Variants in HCN1 observed in about 807,000 individuals in gnomAD.
HCN1 encodes the protein potassium/sodium hyperpolarization-activated cyclic nucleotide-gated channel 1.
A neutral mutation model predicts 78.9 loss-of-function variants in HCN1; 13 were observed. The ratio of observed to expected loss-of-function variants is 0.16; its 90% CI spans 0.11 to 0.26. The LOEUF (loss-of-function observed/expected upper bound fraction) is 0.26, where lower values mean the gene tolerates loss of function less well. HCN1 is among the 10% of genes least tolerant of loss of function. HCN1 has a pLI of 1.00. For synonymous variants in HCN1, 552 were observed against 455.5 expected, an observed-to-expected ratio of 1.21 and a Z score of -2.70; for missense variants, 810 against 1,154.3, an observed-to-expected ratio of 0.70 and a Z score of 4.32.
chr5:45,455,446 C>T (rs1278770517), intron 3 of HCN1, among the ~76,000 whole-genome samples: 1 of 151,910 alleles, frequency 6.6e-6, no homozygotes, highest in African/African-American at 2.4e-5. Flanking sequence ...GAATGTAAGC[C>T]TAATGAGGGC....
At chr5:45,351,371 C>G (rs1340792939) in intron 5 of HCN1, among the ~76,000 whole-genome samples, 1 of 84,426 alleles carries the variant, frequency 1.2e-5, no homozygotes, top group Non-Finnish European at 2.0e-5. Flanking sequence ...ATACAAAAAT[C>G]AATTCAAGAT....
intron 4 of HCN1, among the ~76,000 whole-genome samples, chr5:45,373,580 C>G (rs986339722): frequency 1.5e-5 from 2 of 134,972 alleles, no homozygotes; most frequent in East Asian, 2.2e-4. Context: ...TATACGTCAT[C>G]TATAATATAT....
At chr5:45,435,231 G>A (rs968477228) in intron 3 of HCN1, among the ~76,000 whole-genome samples, 2 of 151,926 alleles carry the variant, frequency 1.3e-5, no homozygotes, top group African/African-American at 2.4e-5. Flanking sequence ...AAATCAAATA[G>A]TTCCCCAATG....
At chr5:45,570,804 GA>G (rs1311111383) in intron 2 of HCN1, among the ~76,000 whole-genome samples, 3 of 152,024 alleles carry the variant, frequency 2.0e-5, no homozygotes, top group Non-Finnish European at 4.4e-5. Flanking sequence ...CCTCATTCTA[GA>G]ATTAGATGTT....
chr5:45,433,591 T>C (rs975106051), intron 3 of HCN1, among the ~76,000 whole-genome samples: 1 of 152,168 alleles, frequency 6.6e-6, no homozygotes, highest in Non-Finnish European at 1.5e-5. Context: ...TTAGTATTGA[T>C]ATATGCAGAT....
At chr5:45,628,112 T>C (rs1236911718) in intron 2 of HCN1, among the ~76,000 whole-genome samples, 1 of 152,206 alleles carries the variant, frequency 6.6e-6, no homozygotes, top group Non-Finnish European at 1.5e-5. Flanking sequence ...CACTGGAACA[T>C]TGGTGGCATA....
chr5:45,393,081 C>A (rs1301302471), intron 4 of HCN1, among the ~76,000 whole-genome samples: 5 of 152,048 alleles, frequency 3.3e-5, no homozygotes, highest in Non-Finnish European at 7.4e-5. Flanking sequence ...GCTATTCAGT[C>A]CATAAAGGGA....
rs2111828185 is a variant in HCN1 at position 45,255,624 on chromosome 5, CA to C, written c.*6296del. Reference sequence around the variant, plus strand: ...GGTAATAGATGTTAGAAGAGTTAGGCAAACAAGATTTAATTTTGAATGCTTG... The same window carrying C: ...GGTAATAGATGTTAGAAGAGTTAGGCAACAAGATTTAATTTTGAATGCTTG... On this transcript the variant is annotated 3_prime_UTR_variant, in exon 8 of 8. Coordinates refer to ENST00000303230, the MANE Select transcript of HCN1 (RefSeq NM_021072.4). 6.6e-6 allele frequency: 1 copy of C among 152,256 alleles called. No homozygotes were observed. The highest frequency in any genetic ancestry group is 6.5e-5 in the Admixed American group (1 of 15,286). 9.4% of individuals were successfully genotyped at this position (152,256 alleles called of 1,614,324 possible).
intron 2 of HCN1, among the ~76,000 whole-genome samples, chr5:45,536,859 G>T (rs1184144299): frequency 6.6e-6 from 1 of 152,176 alleles, no homozygotes; most frequent in Non-Finnish European, 1.5e-5. Flanking sequence ...TCCAAGCTCA[G>T]CATCCCATAA....
At chr5:45,376,347 T>G (rs550138135) in intron 4 of HCN1, among the ~76,000 whole-genome samples, 1,584 of 97,200 alleles carry the variant, frequency 0.016, 33 homozygotes, top group African/African-American at 0.052. Context: ...ATTATATATA[T>G]ATAGAGAGAG....
At chr5:45,348,585 A>T (rs891524544) in intron 5 of HCN1, among the ~76,000 whole-genome samples, 7 of 152,236 alleles carry the variant, frequency 4.6e-5, no homozygotes, top group Non-Finnish European at 1.0e-4. Flanking sequence ...TTGGATAAAG[A>T]GTCAAGACCC....
intron 6 of HCN1, among the ~76,000 whole-genome samples, chr5:45,292,916 A>T (rs1745409447): frequency 6.6e-6 from 1 of 152,044 alleles, no homozygotes; most frequent in Non-Finnish European, 1.5e-5. Context: ...CATAGTGTTT[A>T]AACTCAGACA....
At chr5:45,409,785 T>A (rs1739991352) in intron 3 of HCN1, among the ~76,000 whole-genome samples, 1 of 151,884 alleles carries the variant, frequency 6.6e-6, no homozygotes, top group African/African-American at 2.4e-5. Flanking sequence ...TAACAATTTA[T>A]CCTTTTTATA....
chr5:45,581,136 T>G (rs1744062992), intron 2 of HCN1, among the ~76,000 whole-genome samples: 1 of 152,236 alleles, frequency 6.6e-6, no homozygotes, highest in Non-Finnish European at 1.5e-5. Flanking sequence ...ATGGTTGAAC[T>G]AGTTTACAGT....
At chr5:45,301,311 G>T (rs1314106441) in intron 6 of HCN1, among the ~76,000 whole-genome samples, 1 of 133,016 alleles carries the variant, frequency 7.5e-6, no homozygotes, top group Non-Finnish European at 1.6e-5. Context: ...CTTTGGTTGG[G>T]TTAATACTAA....
rs1195129648 is a variant in HCN1, at chr5:45,527,362, A to T, written c.850-65355T>A. On this transcript the variant is annotated intron_variant, in intron 2 of 7. Transcript: ENST00000303230. Reference sequence around the variant, plus strand: ...TAGGATCTAAACAGAAGCTTATACCATGTTATCATCAGCTTAATCACCCCT... The same window carrying T: ...TAGGATCTAAACAGAAGCTTATACCTTGTTATCATCAGCTTAATCACCCCT... 3.4e-4 allele frequency among the ~76,000 whole-genome samples: 3 copies of T among 8,940 alleles called. No individual in the cohort carries two copies. The Non-Finnish European group carries it at 0.023, about 69-fold the overall frequency. 5.9% of individuals were successfully genotyped at this position (8,940 alleles called of 152,430 possible). A position where few individuals can be genotyped will look rare whatever the true frequency, so the allele number is the denominator to read the frequency against.
chr5:45,598,482 A>G (rs1265113088), intron 2 of HCN1, among the ~76,000 whole-genome samples: 1 of 152,220 alleles, frequency 6.6e-6, no homozygotes, highest in Non-Finnish European at 1.5e-5. Context: ...AAACCTAGGT[A>G]GTACCATTCA....
At chr5:45,426,775 G>A (rs1239848082) in intron 3 of HCN1, among the ~76,000 whole-genome samples, 1 of 152,130 alleles carries the variant, frequency 6.6e-6, no homozygotes, top group African/African-American at 2.4e-5. Flanking sequence ...CTGAGAATGT[G>A]TGTTTATGTA....
At chr5:45,612,160 C>T in intron 2 of HCN1, among the ~76,000 whole-genome samples, 1 of 151,998 alleles carries the variant, frequency 6.6e-6, no homozygotes, top group East Asian at 1.9e-4. Context: ...TATGTTATTT[C>T]TGGAGTCTTG....
Sources: gnomAD v4.1 joint callset for allele counts (sites outside exome capture counted in the v4.1 genomes callset) on GRCh38, gnomAD v4.1.1 for gene constraint, MANE v1.5 for transcripts, NCBI Gene and HGNC (gene_info 2026-07-23, HGNC 2026-07-21) for gene names.